Variants in STAT3 observed in about 807,000 individuals in gnomAD.
STAT3 encodes the protein signal transducer and activator of transcription 3.
STAT3 carries 7 observed loss-of-function variants against 114.3 expected under a neutral mutation model. That is an observed-to-expected ratio of 0.06 (90% CI 0.03 to 0.11). STAT3 has a LOEUF of 0.11. Among genes scored for constraint, STAT3 ranks in the 10% least tolerant of loss-of-function variants. The probability of loss-of-function intolerance (pLI) is 1.00; values close to 1 mark genes in which losing one functional copy is unlikely to be tolerated. For missense variants in STAT3, 364 were observed against 960.9 expected (o/e 0.38, Z 8.21); for synonymous variants, 331 against 354.5 (o/e 0.93, Z 0.74).
At chr17:42,321,112 CTCTT>C (rs1172816425) in intron 21 of STAT3, among the ~76,000 whole-genome samples, 188 of 141,258 alleles carry the variant, frequency 1.3e-3, no homozygotes, top group African/African-American at 4.8e-3. Flanking sequence ...TAATTTCTCT[CTCTT>C]TTTTTTTTTT....
At chr17:42,376,808 T>C (rs1249470809) in intron 1 of STAT3, among the ~76,000 whole-genome samples, 2 of 151,578 alleles carry the variant, frequency 1.3e-5, no homozygotes, top group African/African-American at 2.4e-5. Context: ...ATCGCACCAC[T>C]GCACTCCAGC....
intron 21 of STAT3, 44 bp downstream of exon 21, chr17:42,322,238 C>T (rs2081513873): frequency 6.2e-7 from 1 of 1,612,044 alleles, no homozygotes; most frequent in Non-Finnish European, 8.5e-7. Context: ...AAATTTCCAA[C>T]TTTTCCCAAA....
rs1555568530 is a variant in STAT3 at position 42,338,783 on chromosome 17, C to T, written c.498G>A (p.Glu166=). Reference sequence around the variant, plus strand: ...TGAAATCAAAGTCATCCTGGAGATTCTCTACCACTTTCATTTTCTGTTCTA... The same window carrying T: ...TGAAATCAAAGTCATCCTGGAGATTTTCTACCACTTTCATTTTCTGTTCTA... ...QDLEQKMKVV[E]NLQDDFDFNY... is the part of the protein sequence containing the mutation. Residue 166 remains glutamate (E), a synonymous_variant, in exon 6 of 24, where the codon GAG becomes GAA. Transcript: ENST00000264657. The T allele has an allele frequency of 6.2e-7, 1 of 1,613,662 alleles. No individual in the cohort carries two copies. The highest frequency in any genetic ancestry group is 2.2e-5 in the East Asian group (1 of 44,898).
chr17:42,379,118 T>C (rs1019386501), intron 1 of STAT3, among the ~76,000 whole-genome samples: 1 of 152,130 alleles, frequency 6.6e-6, no homozygotes, highest in African/African-American at 2.4e-5. Context: ...TTTTCAGAAA[T>C]GGCTTCTACA....
intron 1 of STAT3, among the ~76,000 whole-genome samples, chr17:42,381,469 T>G (rs1312472393): frequency 6.6e-6 from 1 of 152,118 alleles, no homozygotes; most frequent in Non-Finnish European, 1.5e-5. Flanking sequence ...CTCACGCCTG[T>G]AATCCCAGCA....
chr17:42,332,516 T>C (rs1598412440), intron 10 of STAT3, among the ~76,000 whole-genome samples: 1 of 117,344 alleles, frequency 8.5e-6, no homozygotes, highest in South Asian at 2.6e-4. Context: ...CTAGCCTGGG[T>C]GATAGAGAAA....
intron 1 of STAT3, among the ~76,000 whole-genome samples, chr17:42,375,379 G>T (rs762173543): frequency 5.9e-5 from 9 of 152,186 alleles, no homozygotes; most frequent in Non-Finnish European, 1.2e-4. Context: ...GATGACCCCA[G>T]ATAAACTACA....
intron 21 of STAT3, 106 bp downstream of exon 21, chr17:42,322,176 A>G (rs1473534246): frequency 5.6e-6 from 6 of 1,074,916 alleles, no homozygotes; most frequent in Non-Finnish European, 8.5e-6. Context: ...AGGAGAAATA[A>G]TTATCCCCCA....
At chr17:42,331,057 G>C (rs552751670) in intron 11 of STAT3, among the ~76,000 whole-genome samples, 1 of 152,170 alleles carries the variant, frequency 6.6e-6, no homozygotes, top group Non-Finnish European at 1.5e-5. Flanking sequence ...GCCACATAGC[G>C]TAGGTGTGCA....
intron 14 of STAT3, 102 bp from the exon 15 acceptor site, chr17:42,326,301 A>G (rs983304626): frequency 2.1e-5 from 21 of 1,006,256 alleles, no homozygotes; most frequent in Non-Finnish European, 1.5e-6. Flanking sequence ...TGAGCCCAGG[A>G]GTTCGAGACC....
At chr17:42,354,229 G>A (rs1353526285) in intron 1 of STAT3, among the ~76,000 whole-genome samples, 3 of 145,134 alleles carry the variant, frequency 2.1e-5, no homozygotes, top group African/African-American at 5.2e-5. Context: ...GTGTGCAGTG[G>A]GGCGATCTTG....
At chr17:42,360,396 G>A (rs1222328708) in intron 1 of STAT3, among the ~76,000 whole-genome samples, 1 of 151,690 alleles carries the variant, frequency 6.6e-6, no homozygotes, top group Non-Finnish European at 1.5e-5. Context: ...TGTAATCCCA[G>A]CACTTTGGGA....
In STAT3 at chr17:42,346,559, C is replaced by G. The variant is rs1325220290; in HGVS notation, c.273+10G>C. On this transcript the variant is annotated intron_variant, in intron 3 of 23. Transcript: ENST00000264657. Reference sequence around the variant, plus strand: ...TCCTGTTTCTCCTTGTCCTCAGTTTCTCATCATACCTGAAGAAACTGCTTG... The same window carrying G: ...TCCTGTTTCTCCTTGTCCTCAGTTTGTCATCATACCTGAAGAAACTGCTTG... The G allele has an allele frequency of 6.2e-7, 1 of 1,614,122 alleles. No individual in the cohort carries two copies. The highest frequency in any genetic ancestry group is 1.1e-5 in the South Asian group (1 of 91,074).
rs1343922449 is a variant in STAT3, at chr17:42,314,650, A to T, written c.*1095T>A. On this transcript the variant is annotated 3_prime_UTR_variant, in exon 24 of 24. Coordinates refer to ENST00000264657, the MANE Select transcript of STAT3 (RefSeq NM_139276.3). ...CTCACTAAAAGGCCAATACATTACA[A>T]AGGAAAATAAGTCTATTTATAAAAA... is the stretch of plus-strand genomic sequence containing the variant. 3 of 227,864 alleles carry T rather than the reference A, an allele frequency of 1.3e-5. No homozygotes were observed. Among genetic ancestry groups the T allele is most frequent in the Non-Finnish European group, 2.6e-5 (3 of 114,434 alleles). The allele number at this position is 227,864 out of a possible 1,614,324, so 14.1% of individuals were successfully genotyped here.
intron 1 of STAT3, among the ~76,000 whole-genome samples, chr17:42,366,553 C>A (rs544473131): frequency 4.6e-5 from 7 of 151,922 alleles, no homozygotes; most frequent in Admixed American, 4.6e-4. Context: ...AGCCTGTGAT[C>A]CCAGCTACTT....
At chr17:42,381,088 C>T (rs2084765257) in intron 1 of STAT3, among the ~76,000 whole-genome samples, 1 of 152,108 alleles carries the variant, frequency 6.6e-6, no homozygotes, top group African/African-American at 2.4e-5. Flanking sequence ...GTGAAAACAA[C>T]AGGCCCAAGG....
chr17:42,322,265 C>T lies in STAT3; in HGVS notation c.2101+17G>A. The T allele has an allele frequency of 1.9e-6, 3 of 1,614,124 alleles. No individual in the cohort carries two copies. The highest frequency in any genetic ancestry group is 2.5e-6 in the Non-Finnish European group (3 of 1,179,950). ...TTTCCCAAAAATTAAATGCCAGGAACATGGAAAATCAACAACTACCTGGGT... is the reference window on the plus strand; with the variant it reads ...TTTCCCAAAAATTAAATGCCAGGAATATGGAAAATCAACAACTACCTGGGT... On this transcript the variant is annotated intron_variant, in intron 21 of 23. Transcript: ENST00000264657.
intron 1 of STAT3, among the ~76,000 whole-genome samples, chr17:42,376,869 T>C (rs1414296505): frequency 6.6e-6 from 1 of 151,902 alleles, no homozygotes; most frequent in Non-Finnish European, 1.5e-5. Context: ...TGGCGGTTTA[T>C]GGGTTTGTGG....
At chr17:42,353,236 T>C (rs558431520) in intron 1 of STAT3, among the ~76,000 whole-genome samples, 2 of 151,778 alleles carry the variant, frequency 1.3e-5, no homozygotes, top group Non-Finnish European at 2.9e-5. Flanking sequence ...TAGTCCCAGC[T>C]ACTCGGGAGG....
Sources: gnomAD v4.1 joint callset for allele counts (sites outside exome capture counted in the v4.1 genomes callset) on GRCh38, gnomAD v4.1.1 for gene constraint, MANE v1.5 for transcripts, NCBI Gene and HGNC (gene_info 2026-07-23, HGNC 2026-07-21) for gene names.